SORCS3: variants seen among roughly 807,000 people sequenced by gnomAD.
The protein encoded by SORCS3 is sortilin related VPS10 domain containing receptor 3, also known as VPS10 domain-containing receptor SorCS3.
SORCS3 carries 57 observed loss-of-function variants against 146.3 expected under a neutral mutation model. The observed-to-expected ratio is 0.39, with a 90% CI of 0.31 to 0.49. The LOEUF is 0.49. Among genes scored for constraint, SORCS3 ranks in the 20% least tolerant of loss-of-function variants. The probability of loss-of-function intolerance (pLI) is 0.92; values close to 1 mark genes in which losing one functional copy is unlikely to be tolerated. For synonymous variants in SORCS3, 653 were observed against 618.5 expected, an observed-to-expected ratio of 1.06 and a Z score of -0.83; for missense variants, 1,341 against 1,575.5, an observed-to-expected ratio of 0.85 and a Z score of 2.52.
chr10:104,916,333 T>C (rs17117923), intron 3 of SORCS3, among the ~76,000 whole-genome samples: 49,107 of 152,098 alleles, frequency 0.32, 9,452 homozygotes, highest in African/African-American at 0.54. Flanking sequence ...GAGTTGAGTC[T>C]TTCCACAGCC....
At chr10:104,892,044 G>C (rs564041523) in intron 2 of SORCS3, among the ~76,000 whole-genome samples, 66 of 152,168 alleles carry the variant, frequency 4.3e-4, no homozygotes, top group African/African-American at 1.2e-3. Flanking sequence ...GACTGTCAGC[G>C]TGAATATTTT....
chr10:104,923,566 G>T (rs1398551180), intron 3 of SORCS3, among the ~76,000 whole-genome samples: 1 of 152,254 alleles, frequency 6.6e-6, no homozygotes, highest in South Asian at 2.1e-4. Context: ...AGCATCACAC[G>T]CATTACCCAG....
intron 2 of SORCS3, among the ~76,000 whole-genome samples, chr10:104,911,323 C>A (rs72815678): frequency 0.02 from 3,035 of 152,312 alleles, 49 homozygotes; most frequent in Non-Finnish European, 0.032. Flanking sequence ...ACCAAATGAG[C>A]AGAACCTGCC....
intron 6 of SORCS3, among the ~76,000 whole-genome samples, chr10:105,097,030 A>G (rs1385993389): frequency 1.3e-5 from 2 of 152,158 alleles, no homozygotes; most frequent in Non-Finnish European, 2.9e-5. Flanking sequence ...TATATACTGG[A>G]TGGTGCTGCT....
At chr10:104,907,929 G>T (rs960272624) in intron 2 of SORCS3, among the ~76,000 whole-genome samples, 1 of 152,258 alleles carries the variant, frequency 6.6e-6, no homozygotes, top group Non-Finnish European at 1.5e-5. Flanking sequence ...CCATTGCAAA[G>T]ATACAGATTA....
At chr10:104,931,348 G>A (rs1037712663) in intron 3 of SORCS3, among the ~76,000 whole-genome samples, 2 of 152,178 alleles carry the variant, frequency 1.3e-5, no homozygotes, top group Admixed American at 6.5e-5. Context: ...ACATTAGGGC[G>A]CTTTGAGATT....
At chr10:105,248,375 G>A (rs774926387) in intron 22 of SORCS3, among the ~76,000 whole-genome samples, 3 of 152,212 alleles carry the variant, frequency 2.0e-5, no homozygotes, top group Non-Finnish European at 4.4e-5. Flanking sequence ...TACTTGAACT[G>A]TGTTTGCAAG....
At chr10:104,749,113 A>C (rs2016949841) in intron 1 of SORCS3, among the ~76,000 whole-genome samples, 1 of 152,026 alleles carries the variant, frequency 6.6e-6, no homozygotes, top group African/African-American at 2.4e-5. Context: ...ACTGCAGTTA[A>C]TTTTTGTGTA....
intron 2 of SORCS3, among the ~76,000 whole-genome samples, chr10:104,862,400 G>T (rs531948966): frequency 1.3e-5 from 2 of 152,254 alleles, no homozygotes; most frequent in Non-Finnish European, 2.9e-5. Flanking sequence ...GCAATTTTTA[G>T]CAGTTTAGGT....
At chr10:104,788,642 T>G (rs923957075) in intron 1 of SORCS3, among the ~76,000 whole-genome samples, 1 of 152,212 alleles carries the variant, frequency 6.6e-6, no homozygotes, top group Non-Finnish European at 1.5e-5. Context: ...TTCTATTATG[T>G]GTTTGTATTA....
At chr10:104,768,748 A>G (rs1008486663) in intron 1 of SORCS3, among the ~76,000 whole-genome samples, 6 of 152,148 alleles carry the variant, frequency 3.9e-5, no homozygotes, top group African/African-American at 1.4e-4. Context: ...GCTCCCTCCA[A>G]CCCAATTTTC....
chr10:105,144,795 A>G (rs2056119719), intron 8 of SORCS3, among the ~76,000 whole-genome samples: 1 of 152,164 alleles, frequency 6.6e-6, no homozygotes, highest in African/African-American at 2.4e-5. Context: ...AAACTGAGGT[A>G]ACTCAGTTTA....
chr10:104,721,834 T>C (rs190980622), intron 1 of SORCS3, among the ~76,000 whole-genome samples: 79 of 152,362 alleles, frequency 5.2e-4, no homozygotes, highest in African/African-American at 1.8e-3. Flanking sequence ...TTTTGTATCC[T>C]GAGACTTCAC....
intron 2 of SORCS3, among the ~76,000 whole-genome samples, chr10:104,885,321 GT>G (rs2018671802): frequency 6.6e-6 from 1 of 152,188 alleles, no homozygotes; most frequent in Admixed American, 6.5e-5. Context: ...GCAGATTTTA[GT>G]TTGTGCTGCC....
At chr10:104,821,328 G>A (rs2017870534) in intron 1 of SORCS3, among the ~76,000 whole-genome samples, 1 of 152,170 alleles carries the variant, frequency 6.6e-6, no homozygotes, top group Admixed American at 6.5e-5. Context: ...GTGGACTGTG[G>A]TCATGAGGGA....
intron 20 of SORCS3, among the ~76,000 whole-genome samples, chr10:105,232,643 T>C (rs1340676446): frequency 2.6e-5 from 4 of 151,966 alleles, no homozygotes; most frequent in African/African-American, 9.7e-5. Context: ...TAGATACTTC[T>C]TTTTAATATA....
chr10:105,201,156 A>C lies in SORCS3; in HGVS notation c.2164A>C (p.Lys722Gln), dbSNP rs1347617300. 12 of 1,613,062 alleles carry C rather than the reference A, an allele frequency of 7.4e-6. No individual in the cohort carries two copies. The highest frequency in any genetic ancestry group is 1.0e-5 in the Non-Finnish European group (12 of 1,179,460). ...PCVMGERKIF[K>Q]KRKPGAQCAL... The stretch of plus-strand genomic sequence containing the variant: ...TGTCATGGGAGAAAGGAAAATATTC[A>C]AGAAACGTAAGCCAGGAGCTCAGTG... The change falls in exon 16 of 27, where the codon AAG (lysine) becomes CAG (glutamine). Residue 722 changes from lysine (K) to glutamine (Q), a missense_variant. Transcript: ENST00000369701.
At chr10:105,162,053 A>G (rs1464468683) in intron 11 of SORCS3, among the ~76,000 whole-genome samples, 3 of 151,878 alleles carry the variant, frequency 2.0e-5, no homozygotes, top group African/African-American at 4.8e-5. Context: ...TTCCTCCCCA[A>G]CTGAGCCTGT....
At chr10:104,692,821 T>G (rs776308497) in intron 1 of SORCS3, among the ~76,000 whole-genome samples, 3 of 152,184 alleles carry the variant, frequency 2.0e-5, no homozygotes, top group Non-Finnish European at 4.4e-5. Flanking sequence ...AGGGCTGTCA[T>G]TGCAACCCAG....
Sources: allele counts gnomAD v4.1 joint callset (sites outside exome capture counted in the v4.1 genomes callset), GRCh38; gene constraint gnomAD v4.1.1; transcripts MANE v1.5; gene names NCBI Gene and HGNC (gene_info 2026-07-23, HGNC 2026-07-21).